The following MEF2C variants were observed in gnomAD, a reference collection of about 807,000 sequenced individuals.
The protein encoded by MEF2C is myocyte enhancer factor 2C.
A neutral mutation model predicts 50.5 loss-of-function variants in MEF2C; 6 were observed. The observed-to-expected ratio is 0.12, with a 90% CI of 0.07 to 0.23. The LOEUF is 0.23. MEF2C is among the 10% of genes least tolerant of loss of function. MEF2C has a pLI of 1.00. For synonymous variants in MEF2C, 183 were observed against 228.0 expected, an observed-to-expected ratio of 0.80 and a Z score of 1.78; for missense variants, 276 against 605.0, an observed-to-expected ratio of 0.46 and a Z score of 5.70.
At chr5:88,765,331 A>G (rs147827909) in intron 3 of MEF2C, among the ~76,000 whole-genome samples, 3 of 152,368 alleles carry the variant, frequency 2.0e-5, no homozygotes, top group East Asian at 3.8e-4. Context: ...GAGTGCTTGT[A>G]TAACACATTT....
At chr5:88,863,856 C>T (rs146157767) in intron 1 of MEF2C, among the ~76,000 whole-genome samples, 1 of 148,660 alleles carries the variant, frequency 6.7e-6, no homozygotes, top group East Asian at 2.0e-4. Context: ...GAGCCTCGCT[C>T]TGTCTCTCAG....
At chr5:88,786,359 G>A (rs906510772) in intron 3 of MEF2C, among the ~76,000 whole-genome samples, 2 of 152,144 alleles carry the variant, frequency 1.3e-5, no homozygotes, top group Admixed American at 6.5e-5. Context: ...ATTAAACTGC[G>A]AGAAAAGTTG....
intron 1 of MEF2C, among the ~76,000 whole-genome samples, chr5:88,833,891 A>G (rs762707904): frequency 6.6e-6 from 1 of 152,124 alleles, no homozygotes; most frequent in Admixed American, 6.5e-5. Context: ...AGTTCTATAA[A>G]TAGTTGAAGC....
chr5:88,743,643 G>A, intron 6 of MEF2C: 1 of 985,180 alleles, frequency 1.0e-6, no homozygotes, highest in Middle Eastern at 5.2e-4. Context: ...AAGTTCAAAG[G>A]TGCTGAGTCA....
At chr5:88,741,421 AT>A (rs1766722386) in intron 6 of MEF2C, 1 of 985,270 alleles carries the variant, frequency 1.0e-6, no homozygotes, top group Non-Finnish European at 1.2e-6. Context: ...CCCTAAAATA[AT>A]TTGTATATCA....
At chr5:88,850,655 C>G (rs1022782732) in intron 1 of MEF2C, among the ~76,000 whole-genome samples, 4 of 152,020 alleles carry the variant, frequency 2.6e-5, no homozygotes, top group South Asian at 2.1e-4. Flanking sequence ...TGTGTACACA[C>G]TCTGATTTTG....
At chr5:88,838,039 AATATCAAT>A (rs1229828666) in intron 1 of MEF2C, among the ~76,000 whole-genome samples, 1 of 152,236 alleles carries the variant, frequency 6.6e-6, no homozygotes, top group Non-Finnish European at 1.5e-5. Flanking sequence ...AGCTATAATC[AATATCAAT>A]ATATCAATAT....
At chr5:88,768,372 G>A (rs1458375696) in intron 3 of MEF2C, among the ~76,000 whole-genome samples, 1 of 152,178 alleles carries the variant, frequency 6.6e-6, no homozygotes, top group Non-Finnish European at 1.5e-5. Context: ...GACCAAGGCT[G>A]TCTGGCTGGC....
intron 1 of MEF2C, among the ~76,000 whole-genome samples, chr5:88,872,531 T>C (rs909293651): frequency 4.6e-5 from 7 of 152,054 alleles, no homozygotes; most frequent in African/African-American, 1.7e-4. Context: ...ACTGAAAGTA[T>C]TATTGAAAAA....
intron 3 of MEF2C, among the ~76,000 whole-genome samples, chr5:88,793,796 C>G (rs758814838): frequency 2.0e-5 from 3 of 151,860 alleles, no homozygotes; most frequent in Non-Finnish European, 4.4e-5. Flanking sequence ...CCTCCCCTAG[C>G]CCCCCACCCC....
At chr5:88,865,442 T>A (rs980942435) in intron 1 of MEF2C, among the ~76,000 whole-genome samples, 1 of 152,180 alleles carries the variant, frequency 6.6e-6, no homozygotes, top group Non-Finnish European at 1.5e-5. Context: ...TACATCGCAA[T>A]CTTCTTCAAG....
intron 6 of MEF2C, chr5:88,740,172 T>G: frequency 1.0e-6 from 1 of 985,122 alleles, no homozygotes; most frequent in African/African-American, 1.7e-5. Flanking sequence ...GCTTCAGGAA[T>G]TTCATATCTA....
chr5:88,749,620 C>A, intron 5 of MEF2C: 1 of 446,570 alleles, frequency 2.2e-6, no homozygotes, highest in Non-Finnish European at 3.0e-6. Context: ...TTTTCACCGG[C>A]CACAGATTAA....
chr5:88,863,406 T>C (rs991523765), intron 1 of MEF2C, among the ~76,000 whole-genome samples: 7 of 152,254 alleles, frequency 4.6e-5, no homozygotes, highest in Non-Finnish European at 1.0e-4. Context: ...GCAATAGCAG[T>C]AGACATTTTA....
chr5:88,853,738 C>T (rs1249391070), intron 1 of MEF2C, among the ~76,000 whole-genome samples: 1 of 152,150 alleles, frequency 6.6e-6, no homozygotes, highest in African/African-American at 2.4e-5. Context: ...TAAACCCTTT[C>T]CAATGTACTT....
chr5:88,734,565 G>GTTTGTTT (rs1763130990), intron 6 of MEF2C: 183 of 541,826 alleles, frequency 3.4e-4, no homozygotes, highest in Non-Finnish European at 3.7e-4. Flanking sequence ...AGAAAAGTTT[G>GTTTGTTT]TTTTTTTTTT....
chr5:88,868,856 C>A (rs1169024733), intron 1 of MEF2C, among the ~76,000 whole-genome samples: 1 of 152,088 alleles, frequency 6.6e-6, no homozygotes, highest in African/African-American at 2.4e-5. Context: ...AAAGTGAACT[C>A]CAGAATTGTT....
At chr5:88,827,293 C>T (rs1811300529) in intron 1 of MEF2C, 1 of 152,078 alleles carries the variant, frequency 6.6e-6, no homozygotes, top group Admixed American at 6.6e-5. Flanking sequence ...ACAAATCTCT[C>T]CCAGTAGCAC....
chr5:88,867,804 C>A (rs1338249514), intron 1 of MEF2C, among the ~76,000 whole-genome samples: 1 of 152,146 alleles, frequency 6.6e-6, no homozygotes, highest in Non-Finnish European at 1.5e-5. Flanking sequence ...GAATTGAAAA[C>A]CAACTGGTCA....
Sources: gnomAD v4.1 joint callset for allele counts (sites outside exome capture counted in the v4.1 genomes callset) on GRCh38, gnomAD v4.1.1 for gene constraint, MANE v1.5 for transcripts, NCBI Gene and HGNC (gene_info 2026-07-23, HGNC 2026-07-21) for gene names.